Variants in HAUS7 observed in about 807,000 individuals in gnomAD.
HAUS7 encodes HAUS augmin-like complex subunit 7.
HAUS7 carries 3 observed loss-of-function variants against 28.4 expected under a neutral mutation model. That is an observed-to-expected ratio of 0.11 (90% CI 0.05 to 0.27). The LOEUF (loss-of-function observed/expected upper bound fraction) is 0.27, where lower values mean the gene tolerates loss of function less well. Ranked by LOEUF, HAUS7 falls within the 10% of genes least tolerant of loss-of-function variation. The probability of loss-of-function intolerance (pLI) is 1.00; values close to 1 mark genes in which losing one functional copy is unlikely to be tolerated. For synonymous variants in HAUS7, 165 were observed against 132.1 expected, an observed-to-expected ratio of 1.25 and a Z score of -1.71; for missense variants, 284 against 297.3, an observed-to-expected ratio of 0.96 and a Z score of 0.33.
At chrX:153,449,022 G>A (rs1482783536) in intron 9 of HAUS7, among the ~76,000 whole-genome samples, 4 of 111,870 alleles carry the variant, frequency 3.6e-5, no homozygotes, top group African/African-American at 9.7e-5. Flanking sequence ...TTGGCTGCCC[G>A]GCCCAGTGGC....
chrX:153,453,115 C>T (rs1556981339), intron 9 of HAUS7, among the ~76,000 whole-genome samples: 1 of 112,832 alleles, frequency 8.9e-6, no homozygotes, highest in Non-Finnish European at 1.9e-5. Flanking sequence ...GAATGAACTA[C>T]ATGGATAACC....
At chrX:153,493,350 G>T (rs1343814535) in intron 1 of HAUS7, among the ~76,000 whole-genome samples, 9 of 112,135 alleles carry the variant, frequency 8.0e-5, no homozygotes, top group East Asian at 2.8e-4. Context: ...TGCTAGTCAG[G>T]CTTCGCTGCC....
chrX:153,482,467 C>T (rs946258899), intron 1 of HAUS7: 16 of 755,204 alleles, frequency 2.1e-5, no homozygotes, highest in South Asian at 6.7e-5. Context: ...GTGGTGCGGG[C>T]GAGTTCCGGG....
rs782555183 is a variant in HAUS7 at position 153,449,899 on chromosome X, C to T, written c.1046-1990G>A. Among the ~76,000 whole-genome samples the T allele has an allele frequency of 2.2e-3, 250 of 112,575 alleles. 1 individual carries two copies. The highest frequency in any genetic ancestry group is 8.0e-3 in the African/African-American group (247 of 31,023). On this transcript the variant is annotated intron_variant, in intron 9 of 9. Coordinates refer to ENST00000370211, the MANE Select transcript of HAUS7 (RefSeq NM_001385482.1). Reference sequence around the variant, plus strand: ...CTTCTTAGAGATCCCAGCCTCACTTCGTTTCTAGTCTCTTTGTGGCTGGGT... The same window carrying T: ...CTTCTTAGAGATCCCAGCCTCACTTTGTTTCTAGTCTCTTTGTGGCTGGGT...
At chrX:153,479,250 C>T in intron 1 of HAUS7, 1 of 627,447 alleles carries the variant, frequency 1.6e-6, no homozygotes, top group Non-Finnish European at 1.9e-6. Context: ...CTCTCCTTCC[C>T]TCCATGGCAG....
intron 1 of HAUS7, among the ~76,000 whole-genome samples, chrX:153,492,088 C>T (rs928809644): frequency 8.9e-5 from 10 of 112,596 alleles, no homozygotes; most frequent in African/African-American, 3.2e-4. Context: ...CCCCAGGATC[C>T]CTGAGGGCCT....
At position 153,454,506 on chromosome X, in the gene HAUS7, C is replaced by T. The variant is rs782348370; in HGVS notation, c.933G>A (p.Leu311=). The T allele has an allele frequency of 3.9e-5, 17 of 433,516 alleles. No homozygotes were observed. The highest frequency in any genetic ancestry group is 5.8e-5 in the Non-Finnish European group (16 of 274,758). 35.7% of individuals were successfully genotyped at this position (433,516 alleles called of 1,213,427 possible). Residue 311 remains leucine (L), a splice_region_variant and synonymous_variant, in exon 9 of 10, where the codon CTG becomes CTA. Transcript: ENST00000370211. ...CAGCAACTGCCATGACCACTTGCAG[C>T]AGCTGGGGAGGGAGGGAGGGAGGGA... ...THQNLTSYSQ[L]LQVVMAVADT...
chrX:153,469,983 G>A (rs782192751), intron 1 of HAUS7, among the ~76,000 whole-genome samples: 1 of 111,423 alleles, frequency 9.0e-6, no homozygotes, highest in South Asian at 3.8e-4. Context: ...CCTCACTGCT[G>A]CAGTGAGGGC....
upstream of HAUS7, chrX:153,471,201 T>A (rs782655604): frequency 3.9e-5 from 10 of 253,779 alleles, no homozygotes; most frequent in African/African-American, 2.8e-4. Flanking sequence ...TTGAACCAGT[T>A]ACCTAACCTC....
At chrX:153,475,460 C>A (rs1338169639), upstream of HAUS7, among the ~76,000 whole-genome samples, 3 of 111,514 alleles carry the variant, frequency 2.7e-5, no homozygotes, top group Non-Finnish European at 5.7e-5. Context: ...AAAGCGTCTG[C>A]AAGAAAAGTC....
rs1466695978 is a variant in HAUS7 at position 153,479,407 on chromosome X, G to A, written c.-588-8262C>T. The stretch of plus-strand genomic sequence containing the variant: ...CGACGGTGAGTAGCTGGCACCAGCA[G>A]GAAGAAGACTGCCGCAGGCTGTCCA... On this transcript the variant is annotated intron_variant, in intron 1 of 5. Coordinates refer to the HAUS7 transcript ENST00000370210. 1.2e-5 allele frequency: 9 copies of A among 750,134 alleles called. No individual in the cohort carries two copies. In the Admixed American group the frequency reaches 3.4e-4, roughly 29 times the overall value. The allele number at this position is 750,134 out of a possible 1,213,427, so 61.8% of individuals were successfully genotyped here.
intron 1 of HAUS7, chrX:153,482,491 G>A (rs2089606949): frequency 4.0e-6 from 3 of 755,965 alleles, no homozygotes; most frequent in African/African-American, 4.5e-5. Flanking sequence ...AGGGACCGAG[G>A]GGGCAGGCCT....
At chrX:153,466,878 A>G (rs1353037929) in intron 2 of HAUS7, among the ~76,000 whole-genome samples, 1 of 112,611 alleles carries the variant, frequency 8.9e-6, no homozygotes, top group East Asian at 2.8e-4. Context: ...TCGGATTTTC[A>G]GATTAGGGAC....
intron 9 of HAUS7, among the ~76,000 whole-genome samples, chrX:153,449,121 C>T (rs782291281): frequency 8.9e-6 from 1 of 112,347 alleles, no homozygotes; most frequent in South Asian, 3.7e-4. Context: ...TCCCCCTCCC[C>T]CAGCAGACAG....
intron 1 of HAUS7, among the ~76,000 whole-genome samples, chrX:153,479,078 G>C (rs1359365151): frequency 9.0e-6 from 1 of 110,843 alleles, no homozygotes; most frequent in Admixed American, 9.5e-5. Flanking sequence ...GGGCAAGGTC[G>C]GGGGAGGCGT....
intron 1 of HAUS7, chrX:153,482,540 G>A (rs2089607252): frequency 2.7e-6 from 2 of 736,757 alleles, no homozygotes; most frequent in South Asian, 1.4e-4. Flanking sequence ...GCTGGCAAGG[G>A]GTGGGTCTGC....
At chrX:153,484,238 C>T (rs1556987993) in intron 1 of HAUS7, among the ~76,000 whole-genome samples, 2 of 112,214 alleles carry the variant, frequency 1.8e-5, no homozygotes, top group South Asian at 3.7e-4. Context: ...GGGGCCCAGC[C>T]GGGGAACCCA....
chrX:153,467,261 C>T (rs2089465099), intron 2 of HAUS7, among the ~76,000 whole-genome samples: 2 of 112,137 alleles, frequency 1.8e-5, no homozygotes, highest in South Asian at 3.7e-4. Context: ...CCACTCAGCG[C>T]AGGGCTCCTT....
At chrX:153,470,679 T>G, upstream of HAUS7, 1 of 988,385 alleles carries the variant, frequency 1.0e-6, no homozygotes, top group Non-Finnish European at 1.4e-6. Flanking sequence ...CGACCGACCC[T>G]TCCCATTGGG....
Sources: gnomAD v4.1 joint callset for allele counts (sites outside exome capture counted in the v4.1 genomes callset) on GRCh38, gnomAD v4.1.1 for gene constraint, MANE v1.5 for transcripts, NCBI Gene and HGNC (gene_info 2026-07-23, HGNC 2026-07-21) for gene names.